OPCML: variants seen among roughly 807,000 people sequenced by gnomAD.
The protein encoded by OPCML is opioid binding protein/cell adhesion molecule like.
In OPCML, 13 loss-of-function variants were observed where a neutral mutation model predicts 37.8. The observed-to-expected ratio is 0.34, with a 90% CI of 0.22 to 0.55. The LOEUF (loss-of-function observed/expected upper bound fraction) is 0.55. OPCML is among the 20% of genes least tolerant of loss of function. The pLI, the probability that OPCML is intolerant of heterozygous loss-of-function variation, is 0.91. For missense variants in OPCML, 341 were observed against 435.6 expected (o/e 0.78, Z 1.93); for synonymous variants, 176 against 168.8 (o/e 1.04, Z -0.33).
chr11:132,928,557 TAACA>T (rs1302922274), intron 2 of OPCML, among the ~76,000 whole-genome samples: 16 of 151,988 alleles, frequency 1.1e-4, no homozygotes, highest in Non-Finnish European at 1.8e-4. Flanking sequence ...ATAATAGATA[TAACA>T]AACAGACATA....
chr11:133,177,960 C>T lies in OPCML; in HGVS notation c.62-234950G>A, dbSNP rs569275043. 6.6e-6 allele frequency among the ~76,000 whole-genome samples: 1 copy of T among 152,286 alleles called. No individual in the cohort carries two copies. Among genetic ancestry groups the T allele is most frequent in the South Asian group, 2.1e-4 (1 of 4,830 alleles). Reference sequence around the variant, plus strand: ...ACCACACTGAATAAATGAGAGCTGGCAGGAGGCAATCCCAAGGTTTAAGGC... The same window carrying T: ...ACCACACTGAATAAATGAGAGCTGGTAGGAGGCAATCCCAAGGTTTAAGGC... On this transcript the variant is annotated intron_variant, in intron 1 of 7. Coordinates refer to ENST00000524381, the MANE Select transcript of OPCML (RefSeq NM_001012393.5). The surrounding 1 kb of genome is among the most constrained non-coding windows in gnomAD (Gnocchi z 5.0).
chr11:132,847,282 T>C (rs539681605), intron 2 of OPCML, among the ~76,000 whole-genome samples: 1 of 152,310 alleles, frequency 6.6e-6, no homozygotes, highest in Admixed American at 6.5e-5. Flanking sequence ...TTTCTTTCTT[T>C]TTTGTTGACA....
intron 5 of OPCML, 38 bp downstream of exon 5, chr11:132,437,184 T>C (rs749333186): frequency 8.1e-6 from 13 of 1,604,380 alleles, no homozygotes; most frequent in Non-Finnish European, 1.1e-5. Flanking sequence ...CCCTGTGCCG[T>C]CTTTTCCCCA....
chr11:132,631,595 G>A (rs1032122481), intron 3 of OPCML, among the ~76,000 whole-genome samples: 4 of 150,600 alleles, frequency 2.7e-5, no homozygotes, highest in African/African-American at 9.7e-5. Context: ...GAGTAGCTGG[G>A]ACTACAGGCG....
chr11:132,941,924 C>A (rs536996087), intron 2 of OPCML, among the ~76,000 whole-genome samples: 2 of 152,192 alleles, frequency 1.3e-5, no homozygotes, highest in African/African-American at 4.8e-5. Context: ...GAACCCCCAC[C>A]GTCACACTGT....
intron 1 of OPCML, among the ~76,000 whole-genome samples, chr11:133,324,596 C>A (rs1943406435): frequency 6.6e-6 from 1 of 152,174 alleles, no homozygotes; most frequent in African/African-American, 2.4e-5. Context: ...GGCCTCTGTG[C>A]CCCAGGTGGG....
intron 1 of OPCML, among the ~76,000 whole-genome samples, chr11:133,080,558 G>A (rs559646652): frequency 3.7e-4 from 56 of 150,316 alleles, no homozygotes; most frequent in African/African-American, 1.2e-3. Context: ...GAGACAAGAC[G>A]GTTAGTTGAG....
chr11:132,943,935 G>T lies in OPCML; in HGVS notation c.62-925C>A, dbSNP rs547694321. On this transcript the variant is annotated intron_variant, in intron 1 of 7. Coordinates refer to ENST00000524381, the MANE Select transcript of OPCML (RefSeq NM_001012393.5). The surrounding 1 kb of genome is among the most constrained non-coding windows in gnomAD (Gnocchi z 4.3). ...GACGCGCGCGGGCCCGGACCGCCGG[G>T]GTTGTCATGGCAGCAGCTCCATCCC... Among the ~76,000 whole-genome samples the T allele has an allele frequency of 6.3e-4, 95 of 151,960 alleles. No individual in the cohort carries two copies. The highest frequency in any genetic ancestry group is 2.3e-3 in the African/African-American group (94 of 41,542).
chr11:133,171,528 C>T (rs903225782), intron 1 of OPCML, among the ~76,000 whole-genome samples: 1 of 152,138 alleles, frequency 6.6e-6, no homozygotes, highest in Non-Finnish European at 1.5e-5. Context: ...CCAGTGGATG[C>T]CAAGAGGATG....
At chr11:133,063,854 G>T (rs541177403) in intron 1 of OPCML, among the ~76,000 whole-genome samples, 1 of 152,156 alleles carries the variant, frequency 6.6e-6, no homozygotes, top group African/African-American at 2.4e-5. Context: ...GAGCCACTGA[G>T]CCCAGCCCCG....
intron 1 of OPCML, among the ~76,000 whole-genome samples, chr11:133,400,490 C>A (rs569449664): frequency 1.3e-3 from 199 of 152,204 alleles, no homozygotes; most frequent in African/African-American, 4.6e-3. Flanking sequence ...TAAGAGCTTT[C>A]CCAGAAATGA....
intron 2 of OPCML, among the ~76,000 whole-genome samples, chr11:132,668,860 G>A (rs1013575003): frequency 6.6e-6 from 1 of 152,044 alleles, no homozygotes; most frequent in Non-Finnish European, 1.5e-5. Context: ...TTTCAAAAAT[G>A]TCTTACTCTC....
chr11:133,461,358 C>G (rs1313730026), intron 1 of OPCML, among the ~76,000 whole-genome samples: 4 of 151,846 alleles, frequency 2.6e-5, no homozygotes, highest in Non-Finnish European at 5.9e-5. Context: ...ACACACAAAA[C>G]ACTGTTAGAA....
chr11:133,203,045 G>A (rs900889505), intron 1 of OPCML, among the ~76,000 whole-genome samples: 3 of 152,150 alleles, frequency 2.0e-5, no homozygotes, highest in Non-Finnish European at 4.4e-5. Context: ...TACATAGGAG[G>A]TGCTGTTATG....
At chr11:133,081,510 CTGTATTTGGTGTTCACA>C in intron 1 of OPCML, among the ~76,000 whole-genome samples, 1 of 152,332 alleles carries the variant, frequency 6.6e-6, no homozygotes, top group Admixed American at 6.5e-5. Flanking sequence ...TTACACAGGA[CTGTATTTGGTGTTCACA>C]GCTCGTCTTT....
chr11:133,304,329 G>A (rs1942857742), intron 1 of OPCML, among the ~76,000 whole-genome samples: 1 of 152,182 alleles, frequency 6.6e-6, no homozygotes, highest in Non-Finnish European at 1.5e-5. Context: ...CAGCTTCTTG[G>A]CCCGTTTCCT....
At chr11:132,488,566 C>T (rs2096206974) in intron 4 of OPCML, among the ~76,000 whole-genome samples, 1 of 152,134 alleles carries the variant, frequency 6.6e-6, no homozygotes, top group Non-Finnish European at 1.5e-5. Context: ...GCTGGAAGTT[C>T]CTCTGGGAGT....
At chr11:133,242,402 G>A (rs1893234) in intron 1 of OPCML, among the ~76,000 whole-genome samples, 19,683 of 152,210 alleles carry the variant, frequency 0.13, 2,201 homozygotes, top group East Asian at 0.55. Flanking sequence ...ACCTCAGACG[G>A]TGTGGCTTAA....
rs1944607863 is a variant in OPCML, at chr11:133,368,709, AC to A, written c.61+163554del. 2.6e-5 allele frequency among the ~76,000 whole-genome samples: 4 copies of A among 152,242 alleles called. No individual in the cohort carries two copies. In the South Asian group the frequency reaches 8.3e-4, roughly 32 times the overall value. On this transcript the variant is annotated intron_variant, in intron 1 of 7. Coordinates refer to ENST00000524381, the MANE Select transcript of OPCML (RefSeq NM_001012393.5). Reference sequence around the variant, plus strand: ...CAAAGCTAGTTATTTTATTCCCCTCACTTTTAAAAATCTAGAACAAGCTGAT... The same window carrying A: ...CAAAGCTAGTTATTTTATTCCCCTCATTTTAAAAATCTAGAACAAGCTGAT...
Sources: allele counts gnomAD v4.1 joint callset (sites outside exome capture counted in the v4.1 genomes callset), GRCh38; gene constraint gnomAD v4.1.1; non-coding constraint Gnocchi (gnomAD v3.1); transcripts MANE v1.5; gene names NCBI Gene and HGNC (gene_info 2026-07-23, HGNC 2026-07-21).